PRDM2: variants seen among roughly 807,000 people sequenced by gnomAD.
PRDM2 encodes PR/SET domain 2.
A neutral mutation model predicts 130.0 loss-of-function variants in PRDM2; 30 were observed. The observed-to-expected ratio is 0.23, with a 90% CI of 0.17 to 0.31. PRDM2 has a LOEUF of 0.31. PRDM2 is among the 10% of genes least tolerant of loss of function. The probability of loss-of-function intolerance (pLI) is 1.00; values close to 1 mark genes in which losing one functional copy is unlikely to be tolerated. For synonymous variants in PRDM2, 871 were observed against 782.4 expected, an observed-to-expected ratio of 1.11 and a Z score of -1.89; for missense variants, 2,011 against 2,108.4, an observed-to-expected ratio of 0.95 and a Z score of 0.90.
chr1:13,814,827 C>T (rs1257643375), intron 8 of PRDM2, among the ~76,000 whole-genome samples: 2 of 152,194 alleles, frequency 1.3e-5, no homozygotes, highest in African/African-American at 4.8e-5. Flanking sequence ...GCGTGTTTGT[C>T]CCTCCTGCTT....
chr1:13,752,677 A>G (rs138196416), intron 6 of PRDM2, among the ~76,000 whole-genome samples: 1 of 152,288 alleles, frequency 6.6e-6, no homozygotes, highest in Non-Finnish European at 1.5e-5. Flanking sequence ...CTGCTCTCTC[A>G]GTTACATAAG....
At chr1:13,739,365 A>G (rs964148713) in intron 4 of PRDM2, among the ~76,000 whole-genome samples, 8 of 152,034 alleles carry the variant, frequency 5.3e-5, no homozygotes, top group Non-Finnish European at 8.8e-5. Flanking sequence ...GCTTTATTCA[A>G]TCATCAACGT....
intron 8 of PRDM2, chr1:13,786,880 T>G (rs1199656353): frequency 4.8e-6 from 5 of 1,045,934 alleles, no homozygotes; most frequent in Non-Finnish European, 5.8e-6. Context: ...GAACTTAACC[T>G]TGCAAAGCAA....
At chr1:13,797,494 A>G (rs1644940174) in intron 8 of PRDM2, among the ~76,000 whole-genome samples, 1 of 152,224 alleles carries the variant, frequency 6.6e-6, no homozygotes, top group Non-Finnish European at 1.5e-5. Context: ...CTTTGAAAGC[A>G]TTTTTAAAAA....
chr1:13,774,539 G>T (rs927958090), intron 7 of PRDM2, among the ~76,000 whole-genome samples: 3 of 151,944 alleles, frequency 2.0e-5, no homozygotes, highest in South Asian at 4.2e-4. Context: ...TGTGCCGAGA[G>T]TTTTTTTTGA....
chr1:13,811,249 C>T lies in PRDM2; in HGVS notation c.5037-5178C>T, dbSNP rs952969574. Among the ~76,000 whole-genome samples the T allele has an allele frequency of 2.6e-5, 4 of 152,140 alleles. No individual in the cohort carries two copies. The South Asian group carries it at 6.2e-4, about 24-fold the overall frequency. On this transcript the variant is annotated intron_variant, in intron 8 of 9. Transcript: ENST00000311066. ...TGTGGATGGCTCAGACTTTCTACAA[C>T]GTTCTAGGCTGTTCTCTGGATTGTG...
At position 13,732,840 on chromosome 1, in the gene PRDM2, G is replaced by GA; in HGVS notation, c.196dup (p.Arg66LysfsTer5). 1.2e-6 allele frequency: 2 copies of GA among 1,606,294 alleles called. No homozygotes were observed. The highest frequency in any genetic ancestry group is 1.7e-6 in the Non-Finnish European group (2 of 1,176,840). On this transcript the variant is annotated frameshift_variant, in exon 4 of 10. Coordinates refer to ENST00000311066, the MANE Select transcript of PRDM2 (RefSeq NM_001393986.1). LOFTEE classifies it high-confidence loss of function. ...AATTTGGGCCATTTGTTGGTGATAA[G>GA]AAAAAAAGATCTCAGGTTAAGAATA... is the stretch of plus-strand genomic sequence containing the variant.
rs755172609 is a variant in PRDM2 at position 13,781,931 on chromosome 1, C to T, written c.4136C>T (p.Pro1379Leu). 4.3e-6 allele frequency: 7 copies of T among 1,614,106 alleles called. No individual in the cohort carries two copies. In the South Asian group the frequency reaches 5.5e-5, roughly 13 times the overall value. The stretch of plus-strand genomic sequence containing the variant: ...GTACCATTAAAACAAACTGTGCAAC[C>T]CAAAAATGGCGTGGTGGTTTTAGAT... The part of the protein sequence containing the change: ...NPVPLKQTVQ[P>L]KNGVVVLDNS... Residue 1379 changes from proline (P) to leucine (L), a missense_variant, in exon 8 of 10, where the codon CCC (proline) becomes CTC (leucine). Physicochemically the swap from Pro to Leu is moderately conservative, Grantham distance 98. This residue lies in a region of PRDM2 where 229 missense variants were observed against 364.1 expected (regional missense o/e 0.63). Coordinates refer to ENST00000311066, the MANE Select transcript of PRDM2 (RefSeq NM_001393986.1). This position sits in a 1 kb window ranked among gnomAD's most constrained non-coding sequence, Gnocchi z 6.1.
chr1:13,715,980 G>A (rs1642520931), intron 2 of PRDM2, among the ~76,000 whole-genome samples: 1 of 151,974 alleles, frequency 6.6e-6, no homozygotes, highest in Non-Finnish European at 1.5e-5. Flanking sequence ...TTATTTGTTG[G>A]TTAAAAGACA....
intron 6 of PRDM2, among the ~76,000 whole-genome samples, chr1:13,767,009 T>A (rs1244489980): frequency 6.6e-6 from 1 of 152,228 alleles, no homozygotes; most frequent in South Asian, 2.1e-4. Flanking sequence ...GTTAAATTTT[T>A]CATGTGACGC....
Position 13,781,088 on chromosome 1 carries a change from T to C in PRDM2, c.3293T>C (p.Ile1098Thr). The part of the protein sequence containing the change: ...GDNLEASLPM[I>T]SFKQEELENE... ...AATCTGGAGGCTTCTCTCCCCATGA[T>C]ATCTTTCAAACAGGAGGAATTAGAG... The change falls in exon 8 of 10, where the codon ATA becomes ACA. Residue 1098 changes from isoleucine (I) to threonine (T), a missense_variant. Ile to Thr is a moderately conservative substitution (Grantham distance 89). Transcript: ENST00000311066. The surrounding 1 kb of genome is among the most constrained non-coding windows in gnomAD (Gnocchi z 6.1). The C allele has an allele frequency of 1.2e-6, 2 of 1,613,816 alleles. No homozygotes were observed. Among genetic ancestry groups the C allele is most frequent in the Non-Finnish European group, 1.7e-6 (2 of 1,179,698 alleles).
intron 8 of PRDM2, chr1:13,786,655 A>G (rs1312002889): frequency 3.9e-6 from 6 of 1,545,958 alleles, no homozygotes; most frequent in Non-Finnish European, 4.3e-6. Context: ...TGACTCAAAA[A>G]TCCTAACATT....
chr1:13,725,826 T>G (rs1211028757), intron 2 of PRDM2, among the ~76,000 whole-genome samples: 1 of 152,170 alleles, frequency 6.6e-6, no homozygotes, highest in African/African-American at 2.4e-5. Flanking sequence ...TTCTCAGGTG[T>G]CCACGGACTG....
chr1:13,770,595 T>A lies in PRDM2; in HGVS notation c.512-2483T>A, dbSNP rs1186748153. On this transcript the variant is annotated intron_variant, in intron 6 of 9. Coordinates refer to ENST00000311066, the MANE Select transcript of PRDM2 (RefSeq NM_001393986.1). Reference sequence around the variant, plus strand: ...TCTATTAAATTTTACACTGTGGCCCTTCTTTAAATGTGTGTGAGGTTTATG... The same window carrying A: ...TCTATTAAATTTTACACTGTGGCCCATCTTTAAATGTGTGTGAGGTTTATG... 3.9e-5 allele frequency among the ~76,000 whole-genome samples: 6 copies of A among 152,288 alleles called. No individual in the cohort carries two copies. In the East Asian group the frequency reaches 1.2e-3, roughly 29 times the overall value.
intron 9 of PRDM2, 134 bp downstream of exon 9, chr1:13,816,704 G>A: frequency 2.4e-6 from 3 of 1,238,582 alleles, no homozygotes; most frequent in Non-Finnish European, 3.3e-6. Context: ...ACGGTGCAGG[G>A]CCTCCCTCCA....
rs1390048294 is a variant in PRDM2, at chr1:13,779,413, C to A, written c.1618C>A (p.Pro540Thr). The change falls in exon 8 of 10, where the codon CCA becomes ACA. Residue 540 changes from proline to threonine, a missense_variant. Physicochemically the swap from Pro to Thr is conservative, Grantham distance 38. Transcript: ENST00000311066. This position sits in a 1 kb window ranked among gnomAD's most constrained non-coding sequence, Gnocchi z 4.9. ...CCAGGCCACCCAGAACGTGTATGTA[C>A]CAAGCACAGAGCCGGAGGAGGAAGG... ...QAQATQNVYV[P>T]STEPEEEGEA... 6.2e-7 allele frequency: 1 copy of A among 1,613,972 alleles called. No homozygotes were observed. Among genetic ancestry groups the A allele is most frequent in the Non-Finnish European group, 8.5e-7 (1 of 1,180,026 alleles).
intron 1 of PRDM2, among the ~76,000 whole-genome samples, chr1:13,701,271 A>G (rs1642066049): frequency 6.6e-6 from 1 of 152,194 alleles, no homozygotes; most frequent in Non-Finnish European, 1.5e-5. Flanking sequence ...CCCTTTAACC[A>G]GACACTAGAA....
chr1:13,760,474 G>A (rs1644070465), intron 6 of PRDM2, among the ~76,000 whole-genome samples: 1 of 152,194 alleles, frequency 6.6e-6, no homozygotes, highest in Admixed American at 6.5e-5. Flanking sequence ...GAGTGTGCGT[G>A]TATGTTGGCT....
At chr1:13,743,200 CCATCCTGG>C (rs1643501012) in intron 5 of PRDM2, among the ~76,000 whole-genome samples, 1 of 151,978 alleles carries the variant, frequency 6.6e-6, no homozygotes. Context: ...GAGATTGAGA[CCATCCTGG>C]CTAACATGGT....
Sources: gnomAD v4.1 joint callset for allele counts (sites outside exome capture counted in the v4.1 genomes callset) on GRCh38, gnomAD v4.1.1 for gene constraint, gnomAD v4.1.1 regional missense constraint, Gnocchi (gnomAD v3.1) non-coding constraint, MANE v1.5 for transcripts, NCBI Gene and HGNC (gene_info 2026-07-23, HGNC 2026-07-21) for gene names.